The following SMARCAD1 variants were observed in gnomAD, a reference collection of about 807,000 sequenced individuals.
The protein encoded by SMARCAD1 is SWI/SNF-related matrix-associated actin-dependent regulator of chromatin subfamily A containing DEAD/H box 1.
In SMARCAD1, 25 loss-of-function variants were observed where a neutral mutation model predicts 127.1. The observed-to-expected ratio is 0.20, with a 90% CI of 0.14 to 0.27. The LOEUF (loss-of-function observed/expected upper bound fraction) is 0.27. SMARCAD1 is among the 10% of genes least tolerant of loss of function. The pLI, the probability that SMARCAD1 is intolerant of heterozygous loss-of-function variation, is 1.00. For missense variants in SMARCAD1, 807 were observed against 1,206.0 expected (o/e 0.67, Z 4.90); for synonymous variants, 400 against 396.9 (o/e 1.01, Z -0.09).
Position 94,285,008 on chromosome 4 carries a change from C to T in SMARCAD1, c.2958C>T (p.Ser986=), listed in dbSNP as rs1754727630. 1 of 1,613,086 alleles carries T rather than the reference C, an allele frequency of 6.2e-7. No individual in the cohort carries two copies. The highest frequency in any genetic ancestry group is 2.2e-5 in the East Asian group (1 of 44,766). ...TAAGCCAAGGGACGATTGAAGAATCCATGCTAAAAATTAACCAACAGAAAT... is the reference window on the plus strand; with the variant it reads ...TAAGCCAAGGGACGATTGAAGAATCTATGCTAAAAATTAACCAACAGAAAT... ...KLISQGTIEE[S]MLKINQQKLK... Residue 986 remains serine, a synonymous_variant, in exon 23 of 24, where the codon TCC becomes TCT. Coordinates refer to ENST00000354268, the MANE Select transcript of SMARCAD1 (RefSeq NM_020159.5).
chr4:94,281,439 T>C (rs1754010753), intron 20 of SMARCAD1, 33 bp from the exon 21 acceptor site: 1 of 1,448,672 alleles, frequency 6.9e-7, no homozygotes, highest in South Asian at 1.1e-5. Flanking sequence ...AAACGATTTT[T>C]TCTATTTCTA....
At chr4:94,264,047 G>C (rs762076540) in intron 9 of SMARCAD1, among the ~76,000 whole-genome samples, 2 of 151,806 alleles carry the variant, frequency 1.3e-5, no homozygotes, top group African/African-American at 4.8e-5. Context: ...ACCATTTATA[G>C]TATTATATTG....
chr4:94,221,253 G>A (rs995263372), intron 2 of SMARCAD1, among the ~76,000 whole-genome samples: 3 of 152,116 alleles, frequency 2.0e-5, no homozygotes, highest in African/African-American at 4.8e-5. Flanking sequence ...GAAATGTGTC[G>A]ACCTTTGGAA....
At position 94,253,015 on chromosome 4, in the gene SMARCAD1, T is replaced by C; in HGVS notation, c.1281+8T>C. On this transcript the variant is annotated splice_region_variant and intron_variant, in intron 9 of 23. Transcript: ENST00000354268. ...AATAGTTGGGAGGCTCTGGTAAGGC[T>C]TTATTCTTTTTTTCCCCTTGTATGT... 6.2e-7 allele frequency: 1 copy of C among 1,609,768 alleles called. No individual in the cohort carries two copies. The highest frequency in any genetic ancestry group is 1.1e-5 in the South Asian group (1 of 91,084).
chr4:94,274,519 G>T (rs1752993844), intron 12 of SMARCAD1, among the ~76,000 whole-genome samples: 1 of 152,076 alleles, frequency 6.6e-6, no homozygotes, highest in Admixed American at 6.5e-5. Flanking sequence ...GTTTCACCAT[G>T]TTGGCCAGGC....
intron 10 of SMARCAD1, 101 bp downstream of exon 10, chr4:94,265,007 G>A (rs967995395): frequency 3.4e-6 from 4 of 1,175,030 alleles, no homozygotes; most frequent in East Asian, 2.6e-5. Flanking sequence ...GGCAACTAGT[G>A]GTAGGAGAGA....
chr4:94,225,630 T>G (rs1380998485), intron 2 of SMARCAD1, among the ~76,000 whole-genome samples: 5 of 152,206 alleles, frequency 3.3e-5, no homozygotes, highest in Non-Finnish European at 7.3e-5. Flanking sequence ...AGAGCTAATA[T>G]TTATGGGATG....
chr4:94,261,768 C>A (rs2125942834), intron 9 of SMARCAD1, among the ~76,000 whole-genome samples: 1 of 152,206 alleles, frequency 6.6e-6, no homozygotes, highest in East Asian at 1.9e-4. Flanking sequence ...TGCCACCACA[C>A]CGGCTAATTT....
At chr4:94,213,033 A>G (rs751685375) in intron 2 of SMARCAD1, 1 of 1,257,604 alleles carries the variant, frequency 8.0e-7, no homozygotes, top group East Asian at 5.6e-5. Context: ...TTGGGAGTAC[A>G]GTGAGTTTGG....
chr4:94,264,702 T>C lies in SMARCAD1; in HGVS notation c.1282-5T>C, dbSNP rs2125954615. ...TATTCAATTATTTTTCTTTTTATGC[T>C]ATAGTTCACAAAGATGTCCAAAACT... On this transcript the variant is annotated splice_polypyrimidine_tract_variant and splice_region_variant and intron_variant, in intron 9 of 23. Coordinates refer to ENST00000354268, the MANE Select transcript of SMARCAD1 (RefSeq NM_020159.5). 6.2e-7 allele frequency: 1 copy of C among 1,608,186 alleles called. No individual in the cohort carries two copies. The highest frequency in any genetic ancestry group is 1.1e-5 in the South Asian group (1 of 90,652).
chr4:94,208,717 C>A, intron 2 of SMARCAD1, 133 bp downstream of exon 2: 2 of 882,512 alleles, frequency 2.3e-6, no homozygotes, highest in South Asian at 1.5e-5. Context: ...CTTTTAAATA[C>A]AGCTTTGGGA....
intron 9 of SMARCAD1, among the ~76,000 whole-genome samples, chr4:94,260,216 G>A (rs937289416): frequency 6.6e-6 from 1 of 152,150 alleles, no homozygotes; most frequent in Admixed American, 6.5e-5. Flanking sequence ...TTATTACATA[G>A]TTAGTGATGT....
intron 3 of SMARCAD1, among the ~76,000 whole-genome samples, chr4:94,228,884 T>G (rs888139814): frequency 9.2e-5 from 14 of 152,168 alleles, no homozygotes; most frequent in African/African-American, 3.1e-4. Flanking sequence ...TACTGACCTT[T>G]GAAGATAATA....
chr4:94,278,891 T>C lies in SMARCAD1; in HGVS notation c.2297-38T>C, dbSNP rs144128242. The C allele has an allele frequency of 3.7e-6, 6 of 1,612,168 alleles. No homozygotes were observed. The Admixed American group carries it at 8.4e-5, about 22-fold the overall frequency. ...TTGATATATTTCAACAGTTATCCGC[T>C]TGGTTTTATTTTTTACTGTGTTCTC... is the stretch of plus-strand genomic sequence containing the variant. On this transcript the variant is annotated intron_variant, in intron 18 of 23. Transcript: ENST00000354268.
chr4:94,207,757 A>T (rs1741413891), upstream of SMARCAD1: 1 of 214,260 alleles, frequency 4.7e-6, no homozygotes, highest in South Asian at 6.4e-5. Context: ...GGGAAGAAAG[A>T]ACAAGCGAGC....
chr4:94,230,026 A>C (rs983054165), intron 3 of SMARCAD1, among the ~76,000 whole-genome samples: 4 of 152,078 alleles, frequency 2.6e-5, no homozygotes, highest in Non-Finnish European at 4.4e-5. Flanking sequence ...CAGTCAATGC[A>C]CTTGGATTAT....
At chr4:94,250,070 G>GA (rs1336263672) in intron 7 of SMARCAD1, among the ~76,000 whole-genome samples, 1 of 151,628 alleles carries the variant, frequency 6.6e-6, no homozygotes, top group African/African-American at 2.4e-5. Context: ...TAACTGCTTA[G>GA]TTTTTTTCAT....
rs1174290720 is a variant in SMARCAD1, at chr4:94,277,052, C to A, written c.1975C>A (p.Pro659Thr). The change falls in exon 16 of 24, where the codon CCT becomes ACT. Residue 659 changes from proline to threonine, a missense_variant. Transcript: ENST00000354268. The stretch of plus-strand genomic sequence containing the variant: ...TAACCGTTTGCTGCTCACAGGCACA[C>A]CTGTACAGAACAATCTGTTAGAACT... Reference protein sequence around the residue: ...ANNRLLLTGTPVQNNLLELMS... With the variant: ...ANNRLLLTGTTVQNNLLELMS... 6.2e-7 allele frequency: 1 copy of A among 1,614,030 alleles called. No homozygotes were observed. Among genetic ancestry groups the A allele is most frequent in the Non-Finnish European group, 8.5e-7 (1 of 1,179,974 alleles).
intron 6 of SMARCAD1, among the ~76,000 whole-genome samples, chr4:94,244,767 A>C (rs1297031929): frequency 2.0e-5 from 3 of 152,026 alleles, no homozygotes; most frequent in African/African-American, 4.8e-5. Context: ...AAAAAAAAAA[A>C]AAACTTAACT....
Sources: gnomAD v4.1 joint callset for allele counts (sites outside exome capture counted in the v4.1 genomes callset) on GRCh38, gnomAD v4.1.1 for gene constraint, MANE v1.5 for transcripts, NCBI Gene and HGNC (gene_info 2026-07-23, HGNC 2026-07-21) for gene names.